INSC: variants seen among roughly 807,000 people sequenced by gnomAD.
The protein encoded by INSC is protein inscuteable homolog.
A neutral mutation model predicts 58.6 loss-of-function variants in INSC; 67 were observed. That is an observed-to-expected ratio of 1.14 (90% CI 0.94 to 1.40). The LOEUF (loss-of-function observed/expected upper bound fraction) is 1.40, where lower values mean the gene tolerates loss of function less well. INSC is among the 40% of genes most tolerant of loss of function. INSC has a pLI of 0.00. For synonymous variants in INSC, 262 were observed against 276.1 expected (o/e 0.95, Z 0.51); for missense variants, 714 against 692.0 (o/e 1.03, Z -0.36).
intron 5 of INSC, among the ~76,000 whole-genome samples, chr11:15,179,558 C>T (rs1357434689): frequency 6.6e-6 from 1 of 152,188 alleles, no homozygotes; most frequent in African/African-American, 2.4e-5. Flanking sequence ...TGCCTCACCC[C>T]CACTCCTCCC....
intron 9 of INSC, among the ~76,000 whole-genome samples, chr11:15,233,459 G>C (rs1852000727): frequency 1.3e-5 from 2 of 152,082 alleles, no homozygotes; most frequent in Non-Finnish European, 2.9e-5. Flanking sequence ...TTCACAAGGG[G>C]GACTCAAAGC....
chr11:15,181,052 G>T (rs1489627391), intron 5 of INSC, among the ~76,000 whole-genome samples: 1 of 152,150 alleles, frequency 6.6e-6, no homozygotes, highest in Non-Finnish European at 1.5e-5. Flanking sequence ...GTGCCGTCTT[G>T]ATGTAAATGA....
chr11:15,192,851 C>G (rs191449579), intron 6 of INSC, among the ~76,000 whole-genome samples: 1 of 152,134 alleles, frequency 6.6e-6, no homozygotes, highest in Non-Finnish European at 1.5e-5. Flanking sequence ...GTATGGTACT[C>G]TCTAATGACA....
At chr11:15,261,752 A>T in the INSC span, among the ~76,000 whole-genome samples, 1 of 152,216 alleles carries the variant, frequency 6.6e-6, no homozygotes, top group Non-Finnish European at 1.5e-5. Flanking sequence ...AATATTGAGA[A>T]AGATGGGAAA....
chr11:15,176,161 G>T lies in INSC; in HGVS notation c.402+75G>T, dbSNP rs1026726640. 439 of 1,233,616 alleles carry T rather than the reference G, an allele frequency of 3.6e-4. 2 individuals are homozygous for T. Among genetic ancestry groups the T allele is most frequent in the Admixed American group, 1.4e-4 (5 of 35,056 alleles). The allele number at this position is 1,233,616 out of a possible 1,614,324, so 76.4% of individuals were successfully genotyped here. The stretch of plus-strand genomic sequence containing the variant: ...TTAGAGAAGAGTGGGTTTGAATCAT[G>T]TGGTGTCTGAATCTTTTTTGCTCCA... On this transcript the variant is annotated intron_variant, in intron 3 of 12. Coordinates refer to ENST00000379556, the MANE Select transcript of INSC (RefSeq NM_001042536.3).
intron 7 of INSC, among the ~76,000 whole-genome samples, chr11:15,208,933 G>A (rs1389953745): frequency 6.6e-6 from 1 of 152,214 alleles, no homozygotes. Flanking sequence ...TGTGTGGGGC[G>A]GAGTGAGTGG....
At chr11:15,136,466 G>A (rs1848248306) in intron 1 of INSC, among the ~76,000 whole-genome samples, 1 of 152,064 alleles carries the variant, frequency 6.6e-6, no homozygotes, top group South Asian at 2.1e-4. Context: ...TTTCTTGGTG[G>A]TATGCGGTGT....
At chr11:15,216,731 A>T (rs1297502918) in intron 7 of INSC, among the ~76,000 whole-genome samples, 2 of 152,194 alleles carry the variant, frequency 1.3e-5, no homozygotes, top group Non-Finnish European at 2.9e-5. Flanking sequence ...CAGTGCAAAG[A>T]GCTGAGGTTC....
At chr11:15,120,806 T>C (rs1232234728) in intron 1 of INSC, among the ~76,000 whole-genome samples, 1 of 152,216 alleles carries the variant, frequency 6.6e-6, no homozygotes, top group African/African-American at 2.4e-5. Flanking sequence ...AAACATTTAT[T>C]GAGTGCTTCC....
intron 7 of INSC, among the ~76,000 whole-genome samples, chr11:15,207,459 G>A (rs1466128414): frequency 6.6e-6 from 1 of 152,200 alleles, no homozygotes; most frequent in Non-Finnish European, 1.5e-5. Flanking sequence ...AAGGGCAAGA[G>A]CTGGAAAACT....
chr11:15,243,828 C>T (rs772786266), intron 12 of INSC, among the ~76,000 whole-genome samples: 2 of 151,596 alleles, frequency 1.3e-5, no homozygotes, highest in Non-Finnish European at 2.9e-5. Flanking sequence ...CTCACCCTAC[C>T]TCTCTCCTAT....
chr11:15,190,662 G>T (rs910333444), intron 5 of INSC, 39 bp from the exon 6 acceptor site: 2 of 1,365,712 alleles, frequency 1.5e-6, no homozygotes, highest in Non-Finnish European at 2.1e-6. Context: ...GGGTAGAGGT[G>T]GTGAGTAACT....
At chr11:15,154,402 A>G (rs971731540) in intron 2 of INSC, among the ~76,000 whole-genome samples, 2 of 152,250 alleles carry the variant, frequency 1.3e-5, no homozygotes, top group Admixed American at 1.3e-4. Flanking sequence ...TTGGAGGGAA[A>G]GGGTAAGCCA....
chr11:15,217,208 T>C (rs1032875195), intron 7 of INSC, among the ~76,000 whole-genome samples: 2 of 152,152 alleles, frequency 1.3e-5, no homozygotes, highest in South Asian at 4.1e-4. Context: ...CTTGTTCACA[T>C]GGCAGCAGCA....
At chr11:15,160,433 A>C (rs1341176470) in intron 2 of INSC, among the ~76,000 whole-genome samples, 3 of 152,152 alleles carry the variant, frequency 2.0e-5, no homozygotes, top group African/African-American at 7.2e-5. Flanking sequence ...CAGAGATGAC[A>C]AGTGTCATGT....
intron 1 of INSC, among the ~76,000 whole-genome samples, chr11:15,144,148 A>C (rs546035981): frequency 6.6e-6 from 1 of 152,174 alleles, no homozygotes; most frequent in Non-Finnish European, 1.5e-5. Context: ...CTATGTTGGG[A>C]GGCAGGTTTC....
intron 5 of INSC, 115 bp from the exon 6 acceptor site, chr11:15,190,574 AGTAGCTAGGGGC>A: frequency 1.4e-6 from 1 of 725,532 alleles, no homozygotes; most frequent in Admixed American, 1.9e-5. Context: ...ACAATGAGGC[AGTAGCTAGGGGC>A]AGGAGTAGAT....
At chr11:15,122,186 GA>G (rs1354095810) in intron 1 of INSC, among the ~76,000 whole-genome samples, 1 of 152,076 alleles carries the variant, frequency 6.6e-6, no homozygotes, top group Non-Finnish European at 1.5e-5. Context: ...GTTTTTAGAA[GA>G]AAAAACCCCA....
downstream of INSC, chr11:15,247,274 C>T (rs990642422): frequency 3.9e-5 from 6 of 152,070 alleles, no homozygotes; most frequent in Non-Finnish European, 8.8e-5. Context: ...TTGCATTATC[C>T]AATTTATTCC....
Sources: gnomAD v4.1 joint callset for allele counts (sites outside exome capture counted in the v4.1 genomes callset) on GRCh38, gnomAD v4.1.1 for gene constraint, MANE v1.5 for transcripts, NCBI Gene and HGNC (gene_info 2026-07-23, HGNC 2026-07-21) for gene names.